FAM78B: variants seen among roughly 807,000 people sequenced by gnomAD.
FAM78B encodes protein FAM78B.
A neutral mutation model predicts 20.0 loss-of-function variants in FAM78B; 10 were observed. That is an observed-to-expected ratio of 0.50 (90% confidence interval 0.31 to 0.85). The LOEUF is 0.85. Ranked by LOEUF, FAM78B falls within the 40% of genes least tolerant of loss-of-function variation. The pLI is 0.05. For missense variants in FAM78B, 283 were observed against 345.0 expected, an observed-to-expected ratio of 0.82 and a Z score of 1.42; for synonymous variants, 135 against 132.8, an observed-to-expected ratio of 1.02 and a Z score of -0.12.
At chr1:166,074,820 A>G (rs61835090) in intron 1 of FAM78B, among the ~76,000 whole-genome samples, 18,674 of 152,288 alleles carry the variant, frequency 0.12, 1,537 homozygotes, top group East Asian at 0.26. Context: ...TCGTGCCATC[A>G]TATACCTACA....
Position 166,166,253 on chromosome 1 carries a change from C to G in FAM78B, c.-5G>C. ...GATGCTTTGGATACAGCCCATCCTGCAGCCCGGTGCCGGCACGGCGCGGCG... is the reference window on the plus strand; with the variant it reads ...GATGCTTTGGATACAGCCCATCCTGGAGCCCGGTGCCGGCACGGCGCGGCG... On this transcript the variant is annotated 5_prime_UTR_variant, in exon 1 of 2. Coordinates refer to ENST00000354422, the MANE Select transcript of FAM78B (RefSeq NM_001017961.5). 1.4e-6 allele frequency: 2 copies of G among 1,402,792 alleles called. No homozygotes were observed. The highest frequency in any genetic ancestry group is 2.7e-5 in the Admixed American group (1 of 37,398). 86.9% of individuals were successfully genotyped at this position (1,402,792 alleles called of 1,614,324 possible).
chr1:166,159,068 A>T (rs1365068483), intron 1 of FAM78B, among the ~76,000 whole-genome samples: 1 of 152,254 alleles, frequency 6.6e-6, no homozygotes, highest in Non-Finnish European at 1.5e-5. Context: ...GTAAGAAGAA[A>T]GCCATGCTAT....
At chr1:166,134,156 C>T (rs1386845103) in intron 1 of FAM78B, among the ~76,000 whole-genome samples, 1 of 152,194 alleles carries the variant, frequency 6.6e-6, no homozygotes, top group Admixed American at 6.5e-5. Context: ...GGGAGAAATG[C>T]TCTACTTTAT....
intron 1 of FAM78B, chr1:166,165,174 G>C (rs1033712714): frequency 1.2e-4 from 19 of 152,252 alleles, no homozygotes; most frequent in African/African-American, 4.3e-4. Context: ...GGCGGTGGGC[G>C]CCAGGGGAAT....
chr1:166,070,051 A>G lies in FAM78B; in HGVS notation c.*190T>C. 1 of 1,262,106 alleles carries G rather than the reference A, an allele frequency of 7.9e-7. No homozygotes were observed. The highest frequency in any genetic ancestry group is 1.0e-6 in the Non-Finnish European group (1 of 999,746). 78.2% of individuals were successfully genotyped at this position (1,262,106 alleles called of 1,614,324 possible). On this transcript the variant is annotated 3_prime_UTR_variant, in exon 2 of 2. Coordinates refer to ENST00000354422, the MANE Select transcript of FAM78B (RefSeq NM_001017961.5). ...AGTGATTTCTTTATTCCTAAGAGGA[A>G]GGGATTTTTCCTAAGGATTATGGTT...
At chr1:166,060,352 A>G (rs1311285016) in exon 3 of FAM78B, 1 of 348,168 alleles carries the variant, frequency 2.9e-6, no homozygotes, top group East Asian at 7.9e-5. Flanking sequence ...TGGGATCTGA[A>G]TGAACCCCAT....
intron 1 of FAM78B, among the ~76,000 whole-genome samples, chr1:166,160,965 A>G (rs1656124546): frequency 6.6e-6 from 1 of 152,232 alleles, no homozygotes. Context: ...AGCCTCTCAG[A>G]GGAGATAGCG....
exon 3 of FAM78B, chr1:166,057,509 G>A (rs577908663): frequency 1.1e-4 from 17 of 152,290 alleles, no homozygotes; most frequent in African/African-American, 3.8e-4. Flanking sequence ...TTGAGTTTAT[G>A]TAACATCTGA....
At position 166,063,276 on chromosome 1, in the gene FAM78B, T is replaced by C. The variant is rs537761575; in HGVS notation, c.*410-2613A>G. Among the ~76,000 whole-genome samples the C allele has an allele frequency of 3.9e-5, 6 of 152,276 alleles. No homozygotes were observed. In the South Asian group the frequency reaches 1.2e-3, roughly 32 times the overall value. ...ACTACAGACTTGTTGACAGAACAAG[T>C]ATTCAGAGGGATACCACAACATCCT... On this transcript the variant is annotated intron_variant and NMD_transcript_variant, in intron 2 of 2. Transcript: ENST00000435676.
chr1:166,096,651 A>C (rs1653286637), intron 1 of FAM78B, among the ~76,000 whole-genome samples: 1 of 152,070 alleles, frequency 6.6e-6, no homozygotes, highest in African/African-American at 2.4e-5. Context: ...AACTGTCCTG[A>C]TGTAGTGAGA....
chr1:166,070,304 A>G lies in FAM78B; in HGVS notation c.723T>C (p.Asp241=), dbSNP rs1261934457. The G allele has an allele frequency of 6.3e-7, 1 of 1,583,856 alleles. No individual in the cohort carries two copies. Among genetic ancestry groups the G allele is most frequent in the Admixed American group, 1.7e-5 (1 of 57,854 alleles). Residue 241 remains aspartate, a synonymous_variant, in exon 2 of 2, where the codon GAT becomes GAC. Coordinates refer to ENST00000354422, the MANE Select transcript of FAM78B (RefSeq NM_001017961.5). The part of the protein sequence containing the change: ...PNALVKPNAN[D]AQVLMWRPKR... ...TGGGCCTCCACATGAGGACCTGGGC[A>G]TCATTGGCATTGGGTTTCACTAGTG...
At chr1:166,084,237 A>ACT (rs372134890) in intron 1 of FAM78B, among the ~76,000 whole-genome samples, 58 of 125,474 alleles carry the variant, frequency 4.6e-4, no homozygotes, top group East Asian at 2.1e-3. Context: ...ACACACACAC[A>ACT]CTCTCTCTCT....
chr1:166,128,268 CTTTA>C (rs1268697583), intron 1 of FAM78B, among the ~76,000 whole-genome samples: 1 of 151,904 alleles, frequency 6.6e-6, no homozygotes, highest in African/African-American at 2.4e-5. Flanking sequence ...TTCATTCCTC[CTTTA>C]TTTATTCCTC....
At chr1:166,100,663 T>C (rs1239960342) in intron 1 of FAM78B, among the ~76,000 whole-genome samples, 1 of 152,224 alleles carries the variant, frequency 6.6e-6, no homozygotes, top group Non-Finnish European at 1.5e-5. Context: ...CTGCCATTGC[T>C]GAGGCTTGAG....
chr1:166,148,644 T>C lies in FAM78B; in HGVS notation c.263+17342A>G, dbSNP rs189910054. On this transcript the variant is annotated intron_variant, in intron 1 of 1. Coordinates refer to ENST00000354422, the MANE Select transcript of FAM78B (RefSeq NM_001017961.5). Reference sequence around the variant, plus strand: ...CCCAATGGCAGGCGGGCAGCTGGGATGCAGCTCAGACTTCTAATGGGAACT... The same window carrying C: ...CCCAATGGCAGGCGGGCAGCTGGGACGCAGCTCAGACTTCTAATGGGAACT... Among the ~76,000 whole-genome samples the C allele has an allele frequency of 3.8e-3, 572 of 152,354 alleles. 15 individuals are homozygous for C. Among genetic ancestry groups the C allele is most frequent in the East Asian group, 0.016 (83 of 5,188 alleles).
At chr1:166,087,819 T>C (rs747832972) in intron 1 of FAM78B, among the ~76,000 whole-genome samples, 4 of 152,148 alleles carry the variant, frequency 2.6e-5, no homozygotes, top group Non-Finnish European at 4.4e-5. Flanking sequence ...TAAGACAGTA[T>C]GTGGGCAGGG....
intron 1 of FAM78B, among the ~76,000 whole-genome samples, chr1:166,133,828 G>A (rs1043000893): frequency 6.6e-6 from 1 of 152,048 alleles, no homozygotes. Flanking sequence ...GCCGTGTTTT[G>A]GAACTCCCAT....
downstream of FAM78B, among the ~76,000 whole-genome samples, chr1:166,067,605 C>T (rs571736861): frequency 7.8e-4 from 118 of 152,040 alleles, no homozygotes; most frequent in African/African-American, 2.7e-3. Context: ...TGGCAATATC[C>T]TGACTAAGCT....
chr1:166,094,254 G>C (rs529784275), intron 1 of FAM78B, among the ~76,000 whole-genome samples: 1 of 152,284 alleles, frequency 6.6e-6, no homozygotes, highest in East Asian at 1.9e-4. Context: ...GAGGTGGCAG[G>C]AATGACTGTA....
Sources: gnomAD v4.1 joint callset for allele counts (sites outside exome capture counted in the v4.1 genomes callset) on GRCh38, gnomAD v4.1.1 for gene constraint, MANE v1.5 for transcripts, NCBI Gene and HGNC (gene_info 2026-07-23, HGNC 2026-07-21) for gene names.